Variants in DCT observed in about 807,000 individuals in gnomAD.
The protein encoded by DCT is dopachrome tautomerase.
Under a neutral mutation model 53.0 loss-of-function variants are expected in DCT, and 47 were observed. That is an observed-to-expected ratio of 0.89 (90% CI 0.70 to 1.13). The LOEUF (loss-of-function observed/expected upper bound fraction) is 1.13, where lower values mean the gene tolerates loss of function less well. DCT is among the 50% of genes most tolerant of loss of function. The pLI is 0.00. For synonymous variants in DCT, 244 were observed against 237.0 expected, an observed-to-expected ratio of 1.03 and a Z score of -0.27; for missense variants, 669 against 637.4, an observed-to-expected ratio of 1.05 and a Z score of -0.53.
the DCT span, among the ~76,000 whole-genome samples, chr13:94,486,611 G>A: frequency 6.6e-6 from 1 of 152,178 alleles, no homozygotes; most frequent in Non-Finnish European, 1.5e-5. Flanking sequence ...GGGGATCCAG[G>A]GAGAGATTTC....
intron 1 of DCT, among the ~76,000 whole-genome samples, chr13:94,472,316 G>C (rs1884695971): frequency 6.6e-6 from 1 of 151,766 alleles, no homozygotes; most frequent in East Asian, 1.9e-4. Flanking sequence ...GTGAGTGTGT[G>C]AGGGCAGGGG....
At chr13:94,491,698 G>A in the DCT span, among the ~76,000 whole-genome samples, 3 of 152,146 alleles carry the variant, frequency 2.0e-5, no homozygotes, top group South Asian at 2.1e-4. Context: ...GAAGAGAAGT[G>A]GGTCACCATC....
chr13:94,537,889 G>T, the DCT span, among the ~76,000 whole-genome samples: 2 of 152,282 alleles, frequency 1.3e-5, no homozygotes, highest in Admixed American at 1.3e-4. Flanking sequence ...TACAGCCAAG[G>T]ATTATGATGC....
At chr13:94,446,080 C>G (rs1159695335) in intron 6 of DCT, among the ~76,000 whole-genome samples, 1 of 152,078 alleles carries the variant, frequency 6.6e-6, no homozygotes, top group Non-Finnish European at 1.5e-5. Context: ...AATGAGAAGG[C>G]AGAGGTGGTG....
chr13:94,490,729 C>G, the DCT span, among the ~76,000 whole-genome samples: 37 of 150,728 alleles, frequency 2.5e-4, no homozygotes, highest in African/African-American at 8.8e-4. Context: ...CAGACAGCTG[C>G]CTAGTAAATG....
intron 6 of DCT, among the ~76,000 whole-genome samples, 154 bp downstream of exon 6, chr13:94,459,937 C>G (rs958943519): frequency 1.3e-5 from 2 of 152,348 alleles, no homozygotes; most frequent in Non-Finnish European, 2.9e-5. Flanking sequence ...TGCTACCTAA[C>G]CATCCCTATG....
intron 4 of DCT, among the ~76,000 whole-genome samples, chr13:94,464,261 C>A (rs1884011360): frequency 6.6e-6 from 1 of 152,218 alleles, no homozygotes; most frequent in African/African-American, 2.4e-5. Context: ...GGCAGTGAAG[C>A]CTGGGGGCCG....
At chr13:94,517,813 C>T in the DCT span, among the ~76,000 whole-genome samples, 2 of 152,002 alleles carry the variant, frequency 1.3e-5, no homozygotes, top group South Asian at 2.1e-4. Context: ...TAGCAAAATA[C>T]GTTGACTAAT....
intron 2 of DCT, chr13:94,466,975 G>A (rs557364214): frequency 1.3e-4 from 23 of 174,172 alleles, no homozygotes; most frequent in Middle Eastern, 2.6e-3. Context: ...CCATTCAGGT[G>A]AAATAGACTA....
chr13:94,541,658 A>G, the DCT span, among the ~76,000 whole-genome samples: 2 of 152,158 alleles, frequency 1.3e-5, no homozygotes, highest in Non-Finnish European at 2.9e-5. Flanking sequence ...ATATATTTTG[A>G]AGTAATTCGA....
chr13:94,504,530 G>A, the DCT span, among the ~76,000 whole-genome samples: 1 of 152,074 alleles, frequency 6.6e-6, no homozygotes, highest in Non-Finnish European at 1.5e-5. Context: ...ACAATGCCCG[G>A]CTAATTTTTT....
intron 1 of DCT, among the ~76,000 whole-genome samples, chr13:94,469,675 C>A (rs531954156): frequency 6.6e-6 from 1 of 152,176 alleles, no homozygotes; most frequent in Admixed American, 6.5e-5. Flanking sequence ...GGATCGCAGG[C>A]GTGTCTCCTC....
intron 4 of DCT, among the ~76,000 whole-genome samples, chr13:94,465,123 C>T (rs1476719641): frequency 6.6e-6 from 1 of 152,202 alleles, no homozygotes; most frequent in Non-Finnish European, 1.5e-5. Context: ...ACATCTATTA[C>T]AGTACTTCCC....
chr13:94,486,199 C>A, the DCT span, among the ~76,000 whole-genome samples: 1 of 152,126 alleles, frequency 6.6e-6, no homozygotes, highest in East Asian at 1.9e-4. Flanking sequence ...CAGCACAGTG[C>A]CTCATACAAA....
chr13:94,444,471 T>C (rs776988603), intron 6 of DCT: 1 of 483,192 alleles, frequency 2.1e-6, no homozygotes, highest in Admixed American at 2.3e-5. Context: ...TCATTTATGT[T>C]TTCTCAAGGA....
chr13:94,448,981 G>A (rs896328506), intron 6 of DCT, among the ~76,000 whole-genome samples: 4 of 151,738 alleles, frequency 2.6e-5, no homozygotes, highest in South Asian at 2.1e-4. Flanking sequence ...ACATAGCTAC[G>A]TTTTGGTATT....
At chr13:94,504,499 C>A in the DCT span, among the ~76,000 whole-genome samples, 1 of 152,166 alleles carries the variant, frequency 6.6e-6, no homozygotes, top group Non-Finnish European at 1.5e-5. Context: ...TCCTGAGTAG[C>A]TGGGATTACA....
the DCT span, among the ~76,000 whole-genome samples, chr13:94,524,620 C>T: frequency 5.3e-5 from 8 of 152,128 alleles, no homozygotes; most frequent in South Asian, 2.1e-4. Flanking sequence ...GCATTTTGTG[C>T]GCATGTGCAG....
upstream of DCT, among the ~76,000 whole-genome samples, chr13:94,483,901 A>G (rs1344635732): frequency 3.9e-5 from 6 of 152,212 alleles, no homozygotes; most frequent in African/African-American, 1.4e-4. Context: ...CCATAACTTA[A>G]TTCAATGTTC....
Sources: allele counts gnomAD v4.1 joint callset (sites outside exome capture counted in the v4.1 genomes callset), GRCh38; gene constraint gnomAD v4.1.1; transcripts MANE v1.5; gene names NCBI Gene and HGNC (gene_info 2026-07-23, HGNC 2026-07-21).